TRIP12: variants seen among roughly 807,000 people sequenced by gnomAD.
TRIP12 encodes E3 ubiquitin-protein ligase TRIP12.
Under a neutral mutation model 244.2 loss-of-function variants are expected in TRIP12, and 25 were observed. The ratio of observed to expected loss-of-function variants is 0.10; its 90% CI spans 0.07 to 0.14. The LOEUF is 0.14. TRIP12 is among the 10% of genes least tolerant of loss of function. The pLI is 1.00. For missense variants in TRIP12, 1,677 were observed against 2,486.4 expected, an observed-to-expected ratio of 0.67 and a Z score of 6.92; for synonymous variants, 905 against 873.1, an observed-to-expected ratio of 1.04 and a Z score of -0.64.
rs1250114288 is a variant in TRIP12 at position 229,861,691 on chromosome 2, G to T, written c.99-1160C>A. ...CATCTGTTCCAAAAGAGGACCTAAGGTTTCTCTTTTCTGTATCACTTCTTC... is the reference window on the plus strand; with the variant it reads ...CATCTGTTCCAAAAGAGGACCTAAGTTTTCTCTTTTCTGTATCACTTCTTC... On this transcript the variant is annotated intron_variant, in intron 2 of 41. Coordinates refer to ENST00000675903, the MANE Select transcript of TRIP12 (RefSeq NM_001348323.3). Among the ~76,000 whole-genome samples, 3 of 152,004 alleles carry T rather than the reference G, an allele frequency of 2.0e-5. No individual in the cohort carries two copies. The East Asian group carries it at 5.8e-4, about 29-fold the overall frequency.
chr2:229,893,485 C>T (rs576721914), intron 1 of TRIP12, among the ~76,000 whole-genome samples: 6 of 118,070 alleles, frequency 5.1e-5, no homozygotes, highest in African/African-American at 8.9e-5. Context: ...TCTGCAACTA[C>T]TGTTCTAATT....
In TRIP12 at chr2:229,859,024, G is replaced by A; in HGVS notation, c.775C>T (p.Pro259Ser). 2 of 1,614,178 alleles carry A rather than the reference G, an allele frequency of 1.2e-6. No individual in the cohort carries two copies. The highest frequency in any genetic ancestry group is 1.7e-6 in the Non-Finnish European group (2 of 1,180,022). ...CCTTGTTTCACTCTGGCACCTGGTG[G>A]TACAGTGGAGGAGGCCGAGGCTACA... is the stretch of plus-strand genomic sequence containing the variant. ...SAVASASSTVPPGARVKQGKD... is the reference protein window; with the variant it reads ...SAVASASSTVSPGARVKQGKD... The change falls in exon 4 of 42, where the codon CCA (proline) becomes TCA (serine). Residue 259 changes from proline to serine, a missense_variant. Transcript: ENST00000675903.
chr2:229,845,432 TGAA>T (rs1308235938), intron 4 of TRIP12, among the ~76,000 whole-genome samples: 1 of 152,098 alleles, frequency 6.6e-6, no homozygotes, highest in Non-Finnish European at 1.5e-5. Flanking sequence ...TCATAATAAA[TGAA>T]GAAGAATATG....
intron 8 of TRIP12, among the ~76,000 whole-genome samples, chr2:229,828,404 A>AAAAC (rs1207700773): frequency 5.3e-5 from 8 of 152,090 alleles, no homozygotes; most frequent in East Asian, 1.9e-4. Context: ...ATTTCTCTTA[A>AAAAC]AAACAAACAA....
At position 229,803,593 on chromosome 2, in the gene TRIP12, A is replaced by G. The variant is rs1277059153; in HGVS notation, c.2976T>C (p.Phe992=). 2.5e-6 allele frequency: 4 copies of G among 1,610,226 alleles called. No homozygotes were observed. The highest frequency in any genetic ancestry group is 3.4e-6 in the Non-Finnish European group (4 of 1,177,140). The change falls in exon 20 of 42, where the codon TTT becomes TTC. Residue 992 remains phenylalanine, a synonymous_variant. Transcript: ENST00000675903. ...EILMQKLPDI[F]SVYFRREGVM... is the part of the protein sequence containing the mutation. ...TACCTTCTCTTCTGAAGTAAACACTAAAAATATCAGGTAACTTCTGCATTA... is the reference window on the plus strand; with the variant it reads ...TACCTTCTCTTCTGAAGTAAACACTGAAAATATCAGGTAACTTCTGCATTA...
intron 34 of TRIP12, among the ~76,000 whole-genome samples, chr2:229,781,591 T>A (rs546323284): frequency 4.6e-5 from 7 of 152,200 alleles, no homozygotes; most frequent in African/African-American, 1.7e-4. Context: ...GGTCACTGGG[T>A]CATTTGTAAC....
intron 8 of TRIP12, among the ~76,000 whole-genome samples, chr2:229,823,210 A>C (rs2050546512): frequency 6.6e-6 from 1 of 152,246 alleles, no homozygotes; most frequent in Non-Finnish European, 1.5e-5. Context: ...GAAGATATCA[A>C]CTCACATATT....
At chr2:229,879,849 A>C in intron 2 of TRIP12, 133 bp downstream of exon 2, 1 of 969,874 alleles carries the variant, frequency 1.0e-6, no homozygotes, top group Non-Finnish European at 1.6e-6. Context: ...TTTGCTTTTA[A>C]GTACCTGGCT....
chr2:229,800,919 A>G (rs1314957387), intron 21 of TRIP12, among the ~76,000 whole-genome samples: 1 of 151,760 alleles, frequency 6.6e-6, no homozygotes, highest in Non-Finnish European at 1.5e-5. Flanking sequence ...TGAAAAAAAG[A>G]AAAAGAAAAA....
chr2:229,822,223 C>G (rs773299153), intron 8 of TRIP12, among the ~76,000 whole-genome samples: 2 of 152,120 alleles, frequency 1.3e-5, no homozygotes, highest in South Asian at 4.1e-4. Flanking sequence ...CTTCTGCAGT[C>G]TCATGGTGCT....
intron 34 of TRIP12, among the ~76,000 whole-genome samples, chr2:229,779,243 G>T (rs1429997635): frequency 1.3e-5 from 2 of 152,060 alleles, no homozygotes; most frequent in African/African-American, 4.8e-5. Context: ...ACTCACAGAA[G>T]TGCCACTGTG....
intron 8 of TRIP12, among the ~76,000 whole-genome samples, chr2:229,820,093 A>G (rs1013796916): frequency 6.6e-6 from 1 of 152,230 alleles, no homozygotes; most frequent in African/African-American, 2.4e-5. Context: ...TGTGGAAGGA[A>G]AAACAAAATG....
chr2:229,914,114 G>C (rs568700977), intron 1 of TRIP12, among the ~76,000 whole-genome samples: 11 of 152,198 alleles, frequency 7.2e-5, no homozygotes, highest in African/African-American at 2.6e-4. Flanking sequence ...GCAGGGAATC[G>C]CTTGAACCAA....
chr2:229,859,685 T>G (rs1480362009), intron 3 of TRIP12, 111 bp from the exon 4 acceptor site: 1 of 1,205,624 alleles, frequency 8.3e-7, no homozygotes, highest in African/African-American at 1.5e-5. Flanking sequence ...AGTCCAGTAT[T>G]AAACATAGGT....
At chr2:229,804,358 T>C (rs2045282418) in intron 18 of TRIP12, 131 bp from the exon 19 acceptor site, 5 of 707,496 alleles carry the variant, frequency 7.1e-6, no homozygotes, top group East Asian at 2.7e-5. Context: ...ATAGAACACA[T>C]GAACTTCTAT....
At chr2:229,787,713 C>A (rs1158489957) in intron 32 of TRIP12, 52 bp from the exon 33 acceptor site, 19 of 1,396,884 alleles carry the variant, frequency 1.4e-5, no homozygotes, top group East Asian at 1.1e-4. Context: ...TCAGAAACTA[C>A]TAAAAAAAAA....
At chr2:229,785,618 T>C (rs1222817228) in intron 34 of TRIP12, 139 bp downstream of exon 34, 1 of 769,928 alleles carries the variant, frequency 1.3e-6, no homozygotes, top group South Asian at 2.3e-5. Context: ...AATGGAGAAC[T>C]TAGAACAAAT....
intron 1 of TRIP12, among the ~76,000 whole-genome samples, chr2:229,914,712 A>C (rs1210383758): frequency 6.6e-6 from 1 of 152,218 alleles, no homozygotes; most frequent in Non-Finnish European, 1.5e-5. Flanking sequence ...TTTTGAAGTC[A>C]GGGTAGAACT....
intron 2 of TRIP12, among the ~76,000 whole-genome samples, chr2:229,879,729 C>A (rs2064417457): frequency 6.6e-6 from 1 of 152,214 alleles, no homozygotes; most frequent in Non-Finnish European, 1.5e-5. Flanking sequence ...GCAAACAAAA[C>A]ATGACACACC....
Sources: gnomAD v4.1 joint callset for allele counts (sites outside exome capture counted in the v4.1 genomes callset) on GRCh38, gnomAD v4.1.1 for gene constraint, MANE v1.5 for transcripts, NCBI Gene and HGNC (gene_info 2026-07-23, HGNC 2026-07-21) for gene names.